Variants in UBR1 observed in about 807,000 individuals in gnomAD.
UBR1 encodes the protein ubiquitin protein ligase E3 component n-recognin 1.
In UBR1, 102 loss-of-function variants were observed where a neutral mutation model predicts 242.1. That is an observed-to-expected ratio of 0.42 (90% confidence interval 0.36 to 0.50). The LOEUF is 0.50. Among genes scored for constraint, UBR1 ranks in the 20% least tolerant of loss-of-function variants. The pLI is 0.01. For synonymous variants in UBR1, 675 were observed against 684.8 expected, an observed-to-expected ratio of 0.99 and a Z score of 0.22; for missense variants, 1,772 against 2,101.8, an observed-to-expected ratio of 0.84 and a Z score of 3.07.
At chr15:43,010,358 T>G (rs1181263950) in intron 29 of UBR1, among the ~76,000 whole-genome samples, 2 of 148,816 alleles carry the variant, frequency 1.3e-5, no homozygotes, top group African/African-American at 4.9e-5. Flanking sequence ...ATGCCAAGAC[T>G]GAAAAACGCT....
chr15:43,066,655 G>A (rs149306308), intron 6 of UBR1, among the ~76,000 whole-genome samples: 16 of 152,290 alleles, frequency 1.1e-4, no homozygotes, highest in Middle Eastern at 3.4e-3. Context: ...AGTTCCCCTT[G>A]AAGAGGTCCT....
chr15:43,048,624 G>T, intron 12 of UBR1, 133 bp from the exon 13 acceptor site: 1 of 707,138 alleles, frequency 1.4e-6, no homozygotes, highest in Non-Finnish European at 2.4e-6. Flanking sequence ...GAAGCTCTGA[G>T]TAGAGCTAGA....
intron 35 of UBR1, 151 bp from the exon 36 acceptor site, chr15:42,985,093 A>C (rs2032439023): frequency 3.3e-6 from 2 of 610,442 alleles, no homozygotes; most frequent in Admixed American, 7.0e-5. Flanking sequence ...TCTATGCCAA[A>C]ATTTTCCAAT....
chr15:42,968,173 C>T (rs559499845), intron 40 of UBR1, among the ~76,000 whole-genome samples: 30 of 152,060 alleles, frequency 2.0e-4, no homozygotes, highest in African/African-American at 7.2e-4. Context: ...CTAAATACTC[C>T]TTTTTTTAAA....
chr15:43,032,707 C>T (rs1476075539), intron 19 of UBR1, 76 bp from the exon 20 acceptor site: 5 of 873,754 alleles, frequency 5.7e-6, no homozygotes, highest in Non-Finnish European at 9.1e-6. Context: ...CTGGACGAGA[C>T]TCATGGTCCA....
chr15:42,970,907 GT>G (rs767985457), intron 39 of UBR1, among the ~76,000 whole-genome samples: 1 of 151,992 alleles, frequency 6.6e-6, no homozygotes, highest in Non-Finnish European at 1.5e-5. Context: ...TTTTTAGTGT[GT>G]TTCACCATGT....
intron 4 of UBR1, among the ~76,000 whole-genome samples, chr15:43,073,266 C>CAT (rs1160370334): frequency 6.6e-6 from 1 of 152,092 alleles, no homozygotes; most frequent in Non-Finnish European, 1.5e-5. Flanking sequence ...ATGATAACCC[C>CAT]ATTGTAAAGT....
intron 42 of UBR1, among the ~76,000 whole-genome samples, chr15:42,961,808 C>T (rs1279878022): frequency 6.6e-6 from 1 of 151,264 alleles, no homozygotes; most frequent in Non-Finnish European, 1.5e-5. Flanking sequence ...AGAGTGGAGT[C>T]CAATGGTGTG....
chr15:43,057,236 T>C (rs1466035846), intron 10 of UBR1, among the ~76,000 whole-genome samples: 7 of 152,226 alleles, frequency 4.6e-5, no homozygotes. Flanking sequence ...TTGCCATCAC[T>C]GCTGAAGGAT....
At chr15:42,988,269 A>ATGTGTGTGTG (rs112501912) in intron 35 of UBR1, among the ~76,000 whole-genome samples, 5 of 147,888 alleles carry the variant, frequency 3.4e-5, no homozygotes, top group African/African-American at 1.2e-4. Context: ...AAAGGAATAT[A>ATGTGTGTGTG]TGTGTGTGTG....
chr15:42,972,995 C>A (rs2032231427), intron 39 of UBR1, among the ~76,000 whole-genome samples: 1 of 152,220 alleles, frequency 6.6e-6, no homozygotes, highest in Admixed American at 6.5e-5. Context: ...GCTCCACATA[C>A]TTGCCAGCAT....
chr15:43,071,572 C>T (rs1010410582), intron 4 of UBR1, among the ~76,000 whole-genome samples: 25 of 152,052 alleles, frequency 1.6e-4, no homozygotes, highest in African/African-American at 5.8e-4. Context: ...GCTATATCTA[C>T]ACTACTGAAC....
chr15:43,017,702 T>G (rs2033048363), intron 27 of UBR1, among the ~76,000 whole-genome samples: 1 of 151,148 alleles, frequency 6.6e-6, no homozygotes, highest in African/African-American at 2.4e-5. Context: ...GCCAGCTACT[T>G]GGGAGGCTGA....
intron 44 of UBR1, among the ~76,000 whole-genome samples, chr15:42,956,806 G>T (rs553339817): frequency 6.6e-6 from 1 of 152,176 alleles, no homozygotes; most frequent in Non-Finnish European, 1.5e-5. Context: ...TTGTGTCAGG[G>T]TAGGCAATAG....
intron 19 of UBR1, among the ~76,000 whole-genome samples, chr15:43,034,879 C>T (rs867420101): frequency 3.6e-5 from 5 of 140,030 alleles, no homozygotes; most frequent in African/African-American, 1.4e-4. Flanking sequence ...AAGAGCAAAA[C>T]GCCATCTCCA....
intron 37 of UBR1, among the ~76,000 whole-genome samples, chr15:42,978,715 T>G (rs2032326783): frequency 6.9e-6 from 1 of 145,420 alleles, no homozygotes; most frequent in Admixed American, 6.7e-5. Context: ...CTAGGTAAAT[T>G]TCTTTTCTTT....
Position 43,058,970 on chromosome 15 carries a change from A to G in UBR1, c.1093+115T>C. On this transcript the variant is annotated intron_variant, in intron 9 of 46. Transcript: ENST00000290650. ...TATATTCACATGTAGTATCTTATCA[A>G]TCAAGATTACAGATTTAATAACTAA... 1.0e-5 allele frequency: 9 copies of G among 865,374 alleles called. No homozygotes were observed. In the South Asian group the frequency reaches 1.3e-4, roughly 13 times the overall value. 53.6% of individuals were successfully genotyped at this position (865,374 alleles called of 1,614,324 possible). A position where few individuals can be genotyped will look rare whatever the true frequency, so the allele number is the denominator to read the frequency against.
At chr15:42,984,475 T>C (rs1404120600) in intron 36 of UBR1, among the ~76,000 whole-genome samples, 5 of 152,222 alleles carry the variant, frequency 3.3e-5, no homozygotes, top group African/African-American at 4.8e-5. Flanking sequence ...GTAGTGTCAG[T>C]ATCTGCCCAT....
intron 46 of UBR1, among the ~76,000 whole-genome samples, chr15:42,949,286 G>T (rs1381600412): frequency 1.8e-5 from 2 of 112,614 alleles, no homozygotes; most frequent in African/African-American, 6.8e-5. Flanking sequence ...TTGTGGGGTG[G>T]GGGGAGGGGG....
Sources: gnomAD v4.1 joint callset for allele counts (sites outside exome capture counted in the v4.1 genomes callset) on GRCh38, gnomAD v4.1.1 for gene constraint, MANE v1.5 for transcripts, NCBI Gene and HGNC (gene_info 2026-07-23, HGNC 2026-07-21) for gene names.